The following MICAL3 variants were observed in gnomAD, a reference collection of about 807,000 sequenced individuals.
MICAL3 encodes the protein [F-actin]-monooxygenase MICAL3.
MICAL3 carries 62 observed loss-of-function variants against 207.4 expected under a neutral mutation model. The ratio of observed to expected loss-of-function variants is 0.30; its 90% CI spans 0.24 to 0.37. The LOEUF is 0.37. Ranked by LOEUF, MICAL3 falls within the 10% of genes least tolerant of loss-of-function variation. The pLI is 1.00. For missense variants in MICAL3, 2,368 were observed against 2,635.6 expected (o/e 0.90, Z 2.22); for synonymous variants, 1,077 against 1,069.3 (o/e 1.01, Z -0.14).
intron 22 of MICAL3, among the ~76,000 whole-genome samples, chr22:17,827,244 C>T (rs1048319483): frequency 1.3e-5 from 2 of 152,088 alleles, no homozygotes; most frequent in Non-Finnish European, 1.5e-5. Flanking sequence ...ATTTCACTTC[C>T]AAACATGCCC....
At chr22:17,828,166 G>A (rs1463856972) in intron 21 of MICAL3, among the ~76,000 whole-genome samples, 1 of 152,216 alleles carries the variant, frequency 6.6e-6, no homozygotes, top group Non-Finnish European at 1.5e-5. Flanking sequence ...CAGCCCCAAG[G>A]GGTCACAAGG....
chr22:17,810,709 T>C lies in MICAL3; in HGVS notation c.5550A>G (p.Arg1850=). The change falls in exon 28 of 32, where the codon CGA becomes CGG. Residue 1850 remains arginine, a synonymous_variant. Coordinates refer to ENST00000441493, the MANE Select transcript of MICAL3 (RefSeq NM_015241.3). ...CCATCCTCCATGGTTTTACCTGGGC[T>C]CGATGCAGCCGCTTAAGCTCCTCCT... The part of the protein sequence containing the change: ...AKQEELKRLH[R]AQIIQRQLQQ... 1.2e-6 allele frequency: 2 copies of C among 1,613,814 alleles called. No individual in the cohort carries two copies. The highest frequency in any genetic ancestry group is 1.7e-6 in the Non-Finnish European group (2 of 1,179,712).
rs1601901337 is a variant in MICAL3, at chr22:17,788,062, T to C, written c.*2670A>G. The C allele has an allele frequency of 6.6e-6, 1 of 152,292 alleles. No individual in the cohort carries two copies. Among genetic ancestry groups the C allele is most frequent in the Non-Finnish European group, 1.5e-5 (1 of 68,052 alleles). 9.4% of individuals were successfully genotyped at this position (152,292 alleles called of 1,614,324 possible). Reference sequence around the variant, plus strand: ...TGCTTCCCTGCCTTCAAGGGAAGACTTAACTCTCCGAGAGAAAACCTGCCT... The same window carrying C: ...TGCTTCCCTGCCTTCAAGGGAAGACCTAACTCTCCGAGAGAAAACCTGCCT... On this transcript the variant is annotated 3_prime_UTR_variant, in exon 32 of 32. Transcript: ENST00000441493.
At position 17,975,953 on chromosome 22, in the gene MICAL3, G is replaced by A. The variant is rs551713956; in HGVS notation, c.-75+48328C>T. 2.6e-5 allele frequency among the ~76,000 whole-genome samples: 4 copies of A among 152,248 alleles called. No individual in the cohort carries two copies. The South Asian group carries it at 8.3e-4, about 32-fold the overall frequency. On this transcript the variant is annotated intron_variant, in intron 1 of 31. Coordinates refer to ENST00000441493, the MANE Select transcript of MICAL3 (RefSeq NM_015241.3). Reference sequence around the variant, plus strand: ...GTAATCCCACTACTCAGGAGGCTGAGGCAGGAGAATCGCTAGAACCGGGAG... The same window carrying A: ...GTAATCCCACTACTCAGGAGGCTGAAGCAGGAGAATCGCTAGAACCGGGAG...
intron 1 of MICAL3, among the ~76,000 whole-genome samples, chr22:17,957,318 T>C (rs979403098): frequency 6.6e-6 from 1 of 152,248 alleles, no homozygotes; most frequent in African/African-American, 2.4e-5. Context: ...TTCCCATCTC[T>C]AGGGTCCTTT....
intron 2 of MICAL3, among the ~76,000 whole-genome samples, chr22:17,905,231 C>T (rs1033926794): frequency 3.3e-5 from 5 of 152,174 alleles, no homozygotes; most frequent in Admixed American, 6.5e-5. Context: ...GATTTCTGTC[C>T]AAAGAGATAC....
rs976040862 is a variant in MICAL3 at position 17,862,886 on chromosome 22, T to G, written c.2605+2013A>C. 6 of 985,264 alleles carry G rather than the reference T, an allele frequency of 6.1e-6. No individual in the cohort carries two copies. In the African/African-American group the frequency reaches 1.0e-4, roughly 17 times the overall value. 61.0% of individuals were successfully genotyped at this position (985,264 alleles called of 1,614,324 possible). On this transcript the variant is annotated intron_variant, in intron 19 of 31. Transcript: ENST00000441493. ...CAGTGCCTGTCATTAACTGTAAAGG[T>G]CCACACTGTGATTCCTTTGGGACAC...
intron 29 of MICAL3, among the ~76,000 whole-genome samples, chr22:17,794,349 C>A (rs1247117700): frequency 6.6e-6 from 1 of 152,262 alleles, no homozygotes; most frequent in East Asian, 1.9e-4. Flanking sequence ...CCTGGGGTCA[C>A]CTCCCAGACC....
intron 28 of MICAL3, among the ~76,000 whole-genome samples, chr22:17,810,426 G>A (rs425011): frequency 0.36 from 55,086 of 151,702 alleles, 10,727 homozygotes; most frequent in African/African-American, 0.52. Context: ...TCGAACTCCT[G>A]ACCTGAAGTG....
chr22:17,946,238 T>C (rs1238128355), intron 1 of MICAL3, among the ~76,000 whole-genome samples: 1 of 152,134 alleles, frequency 6.6e-6, no homozygotes, highest in Non-Finnish European at 1.5e-5. Flanking sequence ...GCACTTTCCC[T>C]GGCTTCGGGG....
chr22:18,007,430 G>T (rs1049438369), intron 1 of MICAL3: 4 of 147,944 alleles, frequency 2.7e-5, no homozygotes, highest in South Asian at 2.2e-4. Context: ...AAACATGATG[G>T]TTTTTTTTTT....
intron 1 of MICAL3, among the ~76,000 whole-genome samples, chr22:17,975,664 C>T (rs537327456): frequency 1.3e-5 from 2 of 152,274 alleles, no homozygotes; most frequent in Non-Finnish European, 2.9e-5. Flanking sequence ...TGAAATAGCA[C>T]ATTTTCAAGT....
intron 1 of MICAL3, among the ~76,000 whole-genome samples, chr22:17,918,211 T>C (rs998329508): frequency 2.6e-5 from 4 of 151,970 alleles, no homozygotes; most frequent in Non-Finnish European, 4.4e-5. Context: ...AGGACCAGAG[T>C]TCGAGGCTGC....
intron 1 of MICAL3, among the ~76,000 whole-genome samples, chr22:17,914,692 C>T (rs1932365901): frequency 6.6e-6 from 1 of 152,208 alleles, no homozygotes; most frequent in African/African-American, 2.4e-5. Context: ...TGATTTATCA[C>T]TGCATCTGCT....
chr22:17,897,421 T>TC (rs1556342693), intron 7 of MICAL3, among the ~76,000 whole-genome samples: 2 of 25,276 alleles, frequency 7.9e-5, no homozygotes, highest in Non-Finnish European at 1.2e-4. Context: ...AGACTCCAAC[T>TC]CAAAAAAAAA....
intron 16 of MICAL3, among the ~76,000 whole-genome samples, chr22:17,883,893 C>T (rs553153946): frequency 6.6e-6 from 1 of 152,300 alleles, no homozygotes; most frequent in South Asian, 2.1e-4. Flanking sequence ...ACTCTCAGGC[C>T]TGACATACTC....
chr22:17,984,349 T>C (rs1936057680), intron 1 of MICAL3, among the ~76,000 whole-genome samples: 2 of 152,218 alleles, frequency 1.3e-5, no homozygotes, highest in Admixed American at 1.3e-4. Flanking sequence ...ACACATACCA[T>C]ACAGTGTTTC....
At chr22:17,979,499 C>T (rs964549096) in intron 1 of MICAL3, among the ~76,000 whole-genome samples, 1 of 152,098 alleles carries the variant, frequency 6.6e-6, no homozygotes, top group African/African-American at 2.4e-5. Flanking sequence ...GAGCCAAGAT[C>T]GAGCCACTGT....
chr22:17,895,211 C>T, intron 10 of MICAL3, 73 bp downstream of exon 10: 4 of 1,472,896 alleles, frequency 2.7e-6, no homozygotes, highest in Non-Finnish European at 3.8e-6. Context: ...TAGGTGCACG[C>T]ATCTCAACAG....
Sources: gnomAD v4.1 joint callset for allele counts (sites outside exome capture counted in the v4.1 genomes callset) on GRCh38, gnomAD v4.1.1 for gene constraint, MANE v1.5 for transcripts, NCBI Gene and HGNC (gene_info 2026-07-23, HGNC 2026-07-21) for gene names.